PTPRD: variants seen among roughly 807,000 people sequenced by gnomAD.
PTPRD encodes the protein receptor-type tyrosine-protein phosphatase delta.
A neutral mutation model predicts 214.5 loss-of-function variants in PTPRD; 34 were observed. The observed-to-expected ratio is 0.16, with a 90% CI of 0.12 to 0.21. PTPRD has a LOEUF of 0.21. Among genes scored for constraint, PTPRD ranks in the 10% least tolerant of loss-of-function variants. The pLI is 1.00. For synonymous variants in PTPRD, 1,128 were observed against 845.7 expected, an observed-to-expected ratio of 1.33 and a Z score of -5.79; for missense variants, 2,545 against 2,398.7, an observed-to-expected ratio of 1.06 and a Z score of -1.27.
intron 5 of PTPRD, among the ~76,000 whole-genome samples, chr9:9,791,324 T>A (rs937163578): frequency 6.6e-6 from 1 of 151,974 alleles, no homozygotes; most frequent in Non-Finnish European, 1.5e-5. Flanking sequence ...ATTCATAAGA[T>A]CATAGAATCA....
At chr9:9,428,373 A>G (rs1268050903) in intron 8 of PTPRD, among the ~76,000 whole-genome samples, 2 of 151,786 alleles carry the variant, frequency 1.3e-5, no homozygotes, top group Non-Finnish European at 3.0e-5. Context: ...TATCCTAAAT[A>G]TATATGCAGG....
chr9:10,103,634 T>A (rs2098593520), intron 3 of PTPRD, among the ~76,000 whole-genome samples: 1 of 151,380 alleles, frequency 6.6e-6, no homozygotes, highest in Non-Finnish European at 1.5e-5. Context: ...TGTGAAGGTC[T>A]GAGGGTTCAT....
At chr9:9,189,335 T>C (rs1294910235) in intron 9 of PTPRD, among the ~76,000 whole-genome samples, 3 of 152,108 alleles carry the variant, frequency 2.0e-5, no homozygotes, top group African/African-American at 7.2e-5. Context: ...AGTGATTTGA[T>C]GGGGCTAACG....
At chr9:9,233,604 T>G (rs994043924) in intron 9 of PTPRD, among the ~76,000 whole-genome samples, 1 of 152,218 alleles carries the variant, frequency 6.6e-6, no homozygotes, top group Non-Finnish European at 1.5e-5. Flanking sequence ...CCTATTAGCC[T>G]GTAAAATCAA....
At chr9:9,967,948 G>T (rs1244512608) in intron 4 of PTPRD, among the ~76,000 whole-genome samples, 5 of 152,008 alleles carry the variant, frequency 3.3e-5, no homozygotes, top group African/African-American at 1.2e-4. Context: ...AGAAAAATTT[G>T]TCACAAAATT....
At chr9:8,714,175 C>G (rs1299211552) in intron 12 of PTPRD, among the ~76,000 whole-genome samples, 1 of 152,188 alleles carries the variant, frequency 6.6e-6, no homozygotes, top group Non-Finnish European at 1.5e-5. Context: ...TCCATCACTT[C>G]AGGAGAAAAT....
At chr9:10,141,190 C>G (rs999892449) in intron 3 of PTPRD, among the ~76,000 whole-genome samples, 3 of 152,052 alleles carry the variant, frequency 2.0e-5, no homozygotes, top group African/African-American at 7.3e-5. Flanking sequence ...AAAACTGGCA[C>G]AAGACAGGGA....
intron 2 of PTPRD, among the ~76,000 whole-genome samples, chr9:10,447,936 A>G (rs1205574063): frequency 6.6e-6 from 1 of 152,060 alleles, no homozygotes; most frequent in Non-Finnish European, 1.5e-5. Context: ...ATTGAGAATA[A>G]TCATACTGTC....
At chr9:9,730,230 C>T (rs1163493977) in intron 7 of PTPRD, among the ~76,000 whole-genome samples, 1 of 152,140 alleles carries the variant, frequency 6.6e-6, no homozygotes, top group Admixed American at 6.6e-5. Context: ...ATGACTAATG[C>T]TAAGCACATG....
In PTPRD at chr9:9,745,310, C is replaced by T. The variant is rs116512077; in HGVS notation, c.-325-10739G>A. Among the ~76,000 whole-genome samples, 803 of 152,072 alleles carry T rather than the reference C, an allele frequency of 5.3e-3. 4 individuals carry two copies. Among genetic ancestry groups the T allele is most frequent in the African/African-American group, 0.018 (749 of 41,498 alleles). ...ACTATGCTAAATATGAACTTATTTT[C>T]AAGGAAAAATTCAGTAATTCTGACT... is the stretch of plus-strand genomic sequence containing the variant. On this transcript the variant is annotated intron_variant, in intron 6 of 45. Transcript: ENST00000381196.
chr9:10,454,194 A>G (rs942474214), intron 2 of PTPRD, among the ~76,000 whole-genome samples: 1 of 151,508 alleles, frequency 6.6e-6, no homozygotes, highest in East Asian at 1.9e-4. Context: ...TTTCCATTTT[A>G]TCATTTCAGC....
chr9:8,488,081 G>C (rs965771626), intron 27 of PTPRD, among the ~76,000 whole-genome samples: 1 of 152,094 alleles, frequency 6.6e-6, no homozygotes, highest in Non-Finnish European at 1.5e-5. Flanking sequence ...AAAGCTTACA[G>C]TAATGGGAAA....
intron 3 of PTPRD, among the ~76,000 whole-genome samples, chr9:10,101,665 T>A (rs2098553147): frequency 6.6e-6 from 1 of 151,666 alleles, no homozygotes; most frequent in Admixed American, 6.6e-5. Context: ...ACTACACCTA[T>A]ACGGTATATT....
intron 11 of PTPRD, among the ~76,000 whole-genome samples, chr9:8,894,745 G>A (rs536247333): frequency 2.1e-4 from 32 of 152,224 alleles, no homozygotes; most frequent in African/African-American, 5.5e-4. Context: ...GTAAAACGGC[G>A]TATTAACATT....
At chr9:9,389,798 G>GTT in intron 9 of PTPRD, among the ~76,000 whole-genome samples, 1 of 152,276 alleles carries the variant, frequency 6.6e-6, no homozygotes. Flanking sequence ...GCAACAAATA[G>GTT]TTATTGAACA....
At chr9:9,759,636 C>G (rs1034650834) in intron 6 of PTPRD, among the ~76,000 whole-genome samples, 1 of 147,070 alleles carries the variant, frequency 6.8e-6, no homozygotes, top group African/African-American at 2.6e-5. Flanking sequence ...CAGCTCACTG[C>G]AACCTCTACC....
intron 11 of PTPRD, among the ~76,000 whole-genome samples, chr9:8,883,915 C>T (rs1321707211): frequency 2.0e-5 from 3 of 152,056 alleles, no homozygotes; most frequent in Non-Finnish European, 2.9e-5. Context: ...ATTATTTTCT[C>T]CCACAGAATT....
chr9:9,929,272 C>T (rs2085488725), intron 5 of PTPRD, among the ~76,000 whole-genome samples: 1 of 152,182 alleles, frequency 6.6e-6, no homozygotes. Context: ...AAACTTGCCC[C>T]TTTGGACCAG....
chr9:8,338,863 G>C, intron 43 of PTPRD, 59 bp downstream of exon 43: 1 of 1,516,740 alleles, frequency 6.6e-7, no homozygotes, highest in South Asian at 1.3e-5. Context: ...GAGAGAGAGA[G>C]AGGTATCTTA....
Sources: gnomAD v4.1 joint callset for allele counts (sites outside exome capture counted in the v4.1 genomes callset) on GRCh38, gnomAD v4.1.1 for gene constraint, MANE v1.5 for transcripts, NCBI Gene and HGNC (gene_info 2026-07-23, HGNC 2026-07-21) for gene names.